The following STK3 variants were observed in gnomAD, a reference collection of about 807,000 sequenced individuals.
STK3 encodes the protein serine/threonine-protein kinase 3.
In STK3, 41 loss-of-function variants were observed where a neutral mutation model predicts 58.0. The observed-to-expected ratio is 0.71, with a 90% CI of 0.55 to 0.92. The LOEUF is 0.92. Ranked by LOEUF, STK3 falls within the 40% of genes least tolerant of loss-of-function variation. The probability of loss-of-function intolerance (pLI) is 0.00; values close to 1 mark genes in which losing one functional copy is unlikely to be tolerated. For missense variants in STK3, 479 were observed against 602.7 expected (o/e 0.79, Z 2.15); for synonymous variants, 170 against 191.0 (o/e 0.89, Z 0.91).
intron 9 of STK3, among the ~76,000 whole-genome samples, chr8:98,543,842 T>C (rs1380400878): frequency 6.6e-6 from 1 of 152,052 alleles, no homozygotes; most frequent in Non-Finnish European, 1.5e-5. Flanking sequence ...TCTGTGCAGA[T>C]GGAAGATTAT....
chr8:98,524,383 T>G (rs920178764), intron 10 of STK3, among the ~76,000 whole-genome samples: 1 of 152,236 alleles, frequency 6.6e-6, no homozygotes, highest in Non-Finnish European at 1.5e-5. Context: ...TTTCTAGTTT[T>G]GTAAAAAATA....
rs185783480 is a variant in STK3, at chr8:98,745,505, A to G, written c.351+3771T>C. Among the ~76,000 whole-genome samples, 610 of 152,338 alleles carry G rather than the reference A, an allele frequency of 4.0e-3. 5 individuals carry two copies. The highest frequency in any genetic ancestry group is 7.9e-3 in the South Asian group (38 of 4,824). On this transcript the variant is annotated intron_variant, in intron 4 of 10. Transcript: ENST00000419617. The stretch of plus-strand genomic sequence containing the variant: ...AAAATGTCTGGAGAAAATACATTTA[A>G]AAGTCTATGTTAAGGCTAATGAAGA...
chr8:98,396,650 T>C (rs1005163501), downstream of STK3, among the ~76,000 whole-genome samples: 2 of 152,234 alleles, frequency 1.3e-5, no homozygotes, highest in African/African-American at 4.8e-5. Context: ...AATAAAACTT[T>C]GTCAAACTCC....
intron 10 of STK3, among the ~76,000 whole-genome samples, chr8:98,467,253 T>G (rs756428764): frequency 1.3e-5 from 2 of 152,106 alleles, no homozygotes; most frequent in Non-Finnish European, 2.9e-5. Context: ...TCCCACCAGG[T>G]TATAAATTCC....
At chr8:98,708,478 C>T (rs868633036) in intron 4 of STK3, among the ~76,000 whole-genome samples, 30 of 151,822 alleles carry the variant, frequency 2.0e-4, no homozygotes, top group Middle Eastern at 3.4e-3. Flanking sequence ...GAAGAAAAAA[C>T]GTCAGAGAAA....
intron 3 of STK3, among the ~76,000 whole-genome samples, chr8:98,402,381 G>A (rs1817951472): frequency 6.6e-6 from 1 of 152,218 alleles, no homozygotes; most frequent in Admixed American, 6.5e-5. Flanking sequence ...ACACATTCCT[G>A]TGTCCTCTTT....
chr8:98,356,130 T>C, the STK3 span, among the ~76,000 whole-genome samples: 1 of 152,352 alleles, frequency 6.6e-6, no homozygotes, highest in South Asian at 2.1e-4. Flanking sequence ...TTAGCAGCAT[T>C]GCTGGAAGAA....
At chr8:98,536,544 A>G (rs987584395) in intron 9 of STK3, among the ~76,000 whole-genome samples, 4 of 151,980 alleles carry the variant, frequency 2.6e-5, no homozygotes, top group African/African-American at 9.7e-5. Flanking sequence ...GCTCTTTTCT[A>G]CTGCCTGGAA....
intron 6 of STK3, among the ~76,000 whole-genome samples, chr8:98,693,864 G>A (rs1284811453): frequency 7.5e-6 from 1 of 132,986 alleles, no homozygotes; most frequent in African/African-American, 2.7e-5. Flanking sequence ...TAATTGAGCA[G>A]GAAAGGAGGA....
chr8:98,714,687 C>T (rs915682703), intron 4 of STK3, among the ~76,000 whole-genome samples: 3 of 152,216 alleles, frequency 2.0e-5, no homozygotes, highest in South Asian at 2.1e-4. Flanking sequence ...GAATCAATAT[C>T]GTGAAAATGG....
At chr8:98,453,986 A>AT (rs1819320715), downstream of STK3, among the ~76,000 whole-genome samples, 2 of 152,176 alleles carry the variant, frequency 1.3e-5, no homozygotes, top group African/African-American at 4.8e-5. Flanking sequence ...TCAGTTCTTC[A>AT]TTTTTTAATA....
At chr8:98,656,200 T>C (rs1165372089) in intron 6 of STK3, among the ~76,000 whole-genome samples, 4 of 151,968 alleles carry the variant, frequency 2.6e-5, no homozygotes, top group South Asian at 2.1e-4. Context: ...ATGGATGAAA[T>C]TGGAAATCAT....
chr8:98,557,306 A>G (rs188597457), intron 8 of STK3, among the ~76,000 whole-genome samples: 83 of 152,168 alleles, frequency 5.5e-4, no homozygotes, highest in African/African-American at 1.8e-3. Flanking sequence ...TATGTCTCGA[A>G]TCATGTAAGA....
At chr8:98,653,676 A>G (rs1308103827) in intron 6 of STK3, among the ~76,000 whole-genome samples, 1 of 152,232 alleles carries the variant, frequency 6.6e-6, no homozygotes, top group Non-Finnish European at 1.5e-5. Flanking sequence ...ACAGAAATAC[A>G]AACTACCATC....
chr8:98,541,551 T>C lies in STK3; in HGVS notation c.1141+6418A>G, dbSNP rs529176653. The stretch of plus-strand genomic sequence containing the variant: ...TCTCACATAGTTCTTTATAGCAATA[T>C]GAGAACACATTAATACAATCTCTGA... On this transcript the variant is annotated intron_variant, in intron 9 of 10. Transcript: ENST00000419617. 4.0e-4 allele frequency among the ~76,000 whole-genome samples: 61 copies of C among 152,290 alleles called. No homozygotes were observed. In the South Asian group the frequency reaches 0.012, roughly 29 times the overall value.
downstream of STK3, among the ~76,000 whole-genome samples, chr8:98,368,901 A>G (rs1423783623): frequency 6.6e-6 from 1 of 152,184 alleles, no homozygotes; most frequent in Non-Finnish European, 1.5e-5. Flanking sequence ...GGGCACTGGC[A>G]TAACTAACAT....
At chr8:98,738,256 C>A (rs10112149) in intron 4 of STK3, among the ~76,000 whole-genome samples, 147 of 151,876 alleles carry the variant, frequency 9.7e-4, no homozygotes, top group African/African-American at 3.3e-3. Context: ...GTGGATCACC[C>A]CACGTCAGGA....
chr8:98,687,539 G>A (rs1343698563), intron 6 of STK3, among the ~76,000 whole-genome samples: 2 of 152,130 alleles, frequency 1.3e-5, no homozygotes, highest in Non-Finnish European at 2.9e-5. Flanking sequence ...GGAGTTGGGG[G>A]ACCCCTGTTC....
intron 4 of STK3, among the ~76,000 whole-genome samples, chr8:98,720,645 G>C (rs934759012): frequency 1.3e-5 from 2 of 151,922 alleles, no homozygotes; most frequent in African/African-American, 4.8e-5. Context: ...CGGCTGCTCG[G>C]GAGGCTGAGG....
Sources: allele counts gnomAD v4.1 joint callset (sites outside exome capture counted in the v4.1 genomes callset), GRCh38; gene constraint gnomAD v4.1.1; transcripts MANE v1.5; gene names NCBI Gene and HGNC (gene_info 2026-07-23, HGNC 2026-07-21).